WWOX: variants seen among roughly 807,000 people sequenced by gnomAD.
The protein encoded by WWOX is WW domain-containing oxidoreductase.
WWOX carries 69 observed loss-of-function variants against 46.2 expected under a neutral mutation model. The ratio of observed to expected loss-of-function variants is 1.49; its 90% CI spans 1.23 to 1.82. WWOX has a LOEUF of 1.82. Ranked by LOEUF, WWOX falls within the 40% of genes most tolerant of loss-of-function variation. The pLI is 0.00. For missense variants in WWOX, 919 were observed against 542.6 expected, an observed-to-expected ratio of 1.69 and a Z score of -6.89; for synonymous variants, 359 against 202.6, an observed-to-expected ratio of 1.77 and a Z score of -6.56.
intron 8 of WWOX, among the ~76,000 whole-genome samples, chr16:78,627,128 A>C (rs2046328715): frequency 1.3e-5 from 2 of 152,142 alleles, no homozygotes; most frequent in South Asian, 2.1e-4. Flanking sequence ...TTTTAAATAA[A>C]AATCATACTA....
At chr16:78,272,120 T>C (rs1475098485) in intron 5 of WWOX, among the ~76,000 whole-genome samples, 1 of 152,116 alleles carries the variant, frequency 6.6e-6, no homozygotes, top group African/African-American at 2.4e-5. Flanking sequence ...ACAACAACCA[T>C]TTTGTTTTAT....
chr16:78,911,941 C>T (rs2045122915), intron 8 of WWOX, among the ~76,000 whole-genome samples: 1 of 152,032 alleles, frequency 6.6e-6, no homozygotes, highest in Non-Finnish European at 1.5e-5. Flanking sequence ...ATGGATGCTG[C>T]TTGTTATAAA....
chr16:78,364,470 A>G (rs967506352), intron 5 of WWOX, among the ~76,000 whole-genome samples: 1 of 26,218 alleles, frequency 3.8e-5, no homozygotes, highest in East Asian at 4.8e-4. Flanking sequence ...GGTGCCCGGA[A>G]TATCTGATCT....
chr16:79,201,223 C>G (rs2051343324), intron 8 of WWOX, among the ~76,000 whole-genome samples: 1 of 152,162 alleles, frequency 6.6e-6, no homozygotes, highest in Non-Finnish European at 1.5e-5. Flanking sequence ...GATCTATCTT[C>G]CTCCTGCTGA....
chr16:78,408,001 G>T (rs151061651), intron 6 of WWOX, among the ~76,000 whole-genome samples: 1 of 152,274 alleles, frequency 6.6e-6, no homozygotes, highest in East Asian at 1.9e-4. Flanking sequence ...GCTCAAGTTG[G>T]TATGACTGGT....
At chr16:78,856,503 TGTG>T (rs2052570157) in intron 8 of WWOX, among the ~76,000 whole-genome samples, 1 of 152,042 alleles carries the variant, frequency 6.6e-6, no homozygotes, top group African/African-American at 2.4e-5. Context: ...ATCAGCTGGT[TGTG>T]GTGGTACACC....
chr16:78,540,613 T>G (rs2043868655), intron 8 of WWOX, among the ~76,000 whole-genome samples: 1 of 152,164 alleles, frequency 6.6e-6, no homozygotes. Context: ...GGTTACACCC[T>G]GGGCTTGTTA....
intron 8 of WWOX, among the ~76,000 whole-genome samples, chr16:79,033,560 C>T (rs533787153): frequency 4.2e-4 from 64 of 152,170 alleles, no homozygotes; most frequent in Non-Finnish European, 7.5e-4. Context: ...TGCGTAGCCA[C>T]CCCTTTATCA....
chr16:78,428,930 G>A (rs1354747744), intron 7 of WWOX, among the ~76,000 whole-genome samples: 1 of 152,096 alleles, frequency 6.6e-6, no homozygotes, highest in Admixed American at 6.5e-5. Flanking sequence ...TGAACCTAGT[G>A]GTAAATTTTA....
At chr16:79,050,272 C>A (rs535173185) in intron 8 of WWOX, among the ~76,000 whole-genome samples, 12 of 152,164 alleles carry the variant, frequency 7.9e-5, no homozygotes, top group Non-Finnish European at 1.8e-4. Context: ...TTTGCTCCTG[C>A]ATCTTTGCAT....
intron 8 of WWOX, among the ~76,000 whole-genome samples, chr16:78,914,750 G>T (rs1480882902): frequency 6.6e-6 from 1 of 151,886 alleles, no homozygotes; most frequent in Non-Finnish European, 1.5e-5. Context: ...ATGCTGGCAG[G>T]CGCCTGTAGT....
chr16:78,795,143 C>G (rs1400159156), intron 8 of WWOX, among the ~76,000 whole-genome samples: 2 of 151,976 alleles, frequency 1.3e-5, no homozygotes, highest in African/African-American at 4.8e-5. Context: ...ATAATGACAG[C>G]AAGAATGTCT....
chr16:78,546,909 T>C (rs2044046242), intron 8 of WWOX, among the ~76,000 whole-genome samples: 3 of 152,016 alleles, frequency 2.0e-5, no homozygotes. Flanking sequence ...GGTGGATCAC[T>C]TGAGCCCAGG....
At chr16:78,674,218 A>T (rs954536756) in intron 8 of WWOX, among the ~76,000 whole-genome samples, 4 of 151,290 alleles carry the variant, frequency 2.6e-5, no homozygotes, top group Non-Finnish European at 4.4e-5. Context: ...GGAGGAACAT[A>T]GGGTGCATAA....
chr16:78,883,676 A>G (rs2044390408), intron 8 of WWOX, among the ~76,000 whole-genome samples: 3 of 151,818 alleles, frequency 2.0e-5, no homozygotes, highest in African/African-American at 7.3e-5. Context: ...GTGAGTTGAG[A>G]TCATGCTACT....
At chr16:78,298,295 G>A (rs749896677) in intron 5 of WWOX, among the ~76,000 whole-genome samples, 36 of 152,104 alleles carry the variant, frequency 2.4e-4, no homozygotes, top group Non-Finnish European at 4.1e-4. Context: ...GCAGGATCTC[G>A]AGCTAGGAGA....
At chr16:78,429,624 A>G (rs544348114) in intron 7 of WWOX, among the ~76,000 whole-genome samples, 2 of 152,242 alleles carry the variant, frequency 1.3e-5, no homozygotes, top group South Asian at 2.1e-4. Context: ...TGTCTATGCC[A>G]TGTAGGTAGA....
At chr16:79,114,446 G>A (rs1329112866) in intron 8 of WWOX, among the ~76,000 whole-genome samples, 1 of 151,428 alleles carries the variant, frequency 6.6e-6, no homozygotes, top group African/African-American at 2.4e-5. Flanking sequence ...GCACACACGT[G>A]TGCACACACA....
chr16:78,214,845 AG>A (rs963035473), intron 5 of WWOX, among the ~76,000 whole-genome samples: 15 of 146,330 alleles, frequency 1.0e-4, no homozygotes, highest in Non-Finnish European at 2.0e-4. Flanking sequence ...AAAAAAAAAA[AG>A]GTTTGTCGTT....
Sources: gnomAD v4.1 joint callset for allele counts (sites outside exome capture counted in the v4.1 genomes callset) on GRCh38, gnomAD v4.1.1 for gene constraint, MANE v1.5 for transcripts, NCBI Gene and HGNC (gene_info 2026-07-23, HGNC 2026-07-21) for gene names.